The following SCYL3 variants were observed in gnomAD, a reference collection of about 807,000 sequenced individuals.
SCYL3 encodes SCY1 like pseudokinase 3, also known as protein-associating with the carboxyl-terminal domain of ezrin.
A neutral mutation model predicts 73.8 loss-of-function variants in SCYL3; 35 were observed. The observed-to-expected ratio is 0.47, with a 90% confidence interval of 0.36 to 0.63. SCYL3 has a LOEUF of 0.63. Among genes scored for constraint, SCYL3 ranks in the 20% least tolerant of loss-of-function variants. The pLI is 0.00. For synonymous variants in SCYL3, 277 were observed against 295.2 expected, an observed-to-expected ratio of 0.94 and a Z score of 0.63; for missense variants, 712 against 798.9, an observed-to-expected ratio of 0.89 and a Z score of 1.31.
chr1:169,872,629 C>A (rs1185589272), intron 5 of SCYL3, among the ~76,000 whole-genome samples: 1 of 152,194 alleles, frequency 6.6e-6, no homozygotes, highest in Non-Finnish European at 1.5e-5. Context: ...ACATTCAAGA[C>A]CAGCCTGTGA....
chr1:169,853,199 G>A lies in SCYL3; in HGVS notation c.*514C>T. On this transcript the variant is annotated 3_prime_UTR_variant, in exon 13 of 13. Coordinates refer to ENST00000367771, the MANE Select transcript of SCYL3 (RefSeq NM_020423.7). Reference sequence around the variant, plus strand: ...ATGTGGAACAGTCAGGAACTGCCTAGGTCCACAAAGAACCATTTACTCAGA... The same window carrying A: ...ATGTGGAACAGTCAGGAACTGCCTAAGTCCACAAAGAACCATTTACTCAGA... 5.2e-6 allele frequency: 3 copies of A among 574,860 alleles called. No homozygotes were observed. Among genetic ancestry groups the A allele is most frequent in the East Asian group, 2.9e-5 (1 of 34,016 alleles). 35.6% of individuals were successfully genotyped at this position (574,860 alleles called of 1,614,324 possible). A position where few individuals can be genotyped will look rare whatever the true frequency, so the allele number is the denominator to read the frequency against.
Position 169,853,648 on chromosome 1 carries a change from T to C in SCYL3, c.*65A>G, listed in dbSNP as rs1658717959. 2 of 1,561,448 alleles carry C rather than the reference T, an allele frequency of 1.3e-6. No individual in the cohort carries two copies. The highest frequency in any genetic ancestry group is 8.8e-7 in the Non-Finnish European group (1 of 1,138,764). On this transcript the variant is annotated 3_prime_UTR_variant, in exon 13 of 13. Coordinates refer to ENST00000367771, the MANE Select transcript of SCYL3 (RefSeq NM_020423.7). ...GGTTTTCTTGTCCCAAAGCCTGCTT[T>C]TGAGGTATTGATTTTTTTTAAAAAA...
chr1:169,886,729 G>A (rs1661711682), intron 2 of SCYL3, among the ~76,000 whole-genome samples: 1 of 152,260 alleles, frequency 6.6e-6, no homozygotes. Context: ...AAATTATACT[G>A]TTAATTATAG....
chr1:169,881,190 T>A (rs548304591), intron 2 of SCYL3, among the ~76,000 whole-genome samples: 3 of 152,354 alleles, frequency 2.0e-5, no homozygotes, highest in Admixed American at 1.3e-4. Flanking sequence ...ATGGTAGGGA[T>A]AGGAGGCTGA....
Position 169,868,943 on chromosome 1 carries a change from G to A in SCYL3, c.722C>T (p.Ser241Phe). The A allele has an allele frequency of 6.2e-7, 1 of 1,613,634 alleles. No individual in the cohort carries two copies. The highest frequency in any genetic ancestry group is 2.2e-5 in the East Asian group (1 of 44,874). Residue 241 changes from serine (S) to phenylalanine (F), a missense_variant, in exon 7 of 13, where the codon TCT (serine) becomes TTT (phenylalanine). Physicochemically the swap from Ser to Phe is radical, Grantham distance 155 (BLOSUM62 -2). Around this residue, in one of 2 missense-constraint regions of SCYL3, gnomAD observed 342 missense variants for 448.1 expected, o/e 0.76. Transcript: ENST00000367771. ...ATGCCCTCACCTGAAGAAGTCATGA[G>A]ATAGTAAGGTGCAGAGCGCTGGCCG... ...KCRPALCTLL[S>F]HDFFRNDFLE...
intron 2 of SCYL3, among the ~76,000 whole-genome samples, chr1:169,882,340 C>T (rs1321516079): frequency 1.3e-5 from 2 of 152,218 alleles, no homozygotes; most frequent in African/African-American, 4.8e-5. Context: ...CCTTAGCTGC[C>T]TTCCCACGGG....
At chr1:169,892,141 G>C (rs188168477) in intron 1 of SCYL3, among the ~76,000 whole-genome samples, 1 of 152,190 alleles carries the variant, frequency 6.6e-6, no homozygotes, top group Non-Finnish European at 1.5e-5. Flanking sequence ...TTTATTGGGG[G>C]AAAATTAAAA....
Position 169,864,354 on chromosome 1 carries a change from T to C in SCYL3, c.955+15A>G, listed in dbSNP as rs1276950121. Reference sequence around the variant, plus strand: ...AACTTCTTAACTAGCAATAACACTTTGAAAAAGCATTCACCTTTTTTGGGG... The same window carrying C: ...AACTTCTTAACTAGCAATAACACTTCGAAAAAGCATTCACCTTTTTTGGGG... On this transcript the variant is annotated intron_variant, in intron 9 of 12. Transcript: ENST00000367771. 1 of 1,614,130 alleles carries C rather than the reference T, an allele frequency of 6.2e-7. No homozygotes were observed. The highest frequency in any genetic ancestry group is 1.1e-5 in the South Asian group (1 of 91,080).
chr1:169,855,917 G>T (rs1211433386), intron 11 of SCYL3: 2 of 1,613,890 alleles, frequency 1.2e-6, no homozygotes, highest in East Asian at 2.2e-5. Context: ...AGATTGGCGA[G>T]ATCTGACTGT....
chr1:169,855,743 A>G (rs991885265), intron 11 of SCYL3: 1 of 1,533,998 alleles, frequency 6.5e-7, no homozygotes, highest in Non-Finnish European at 8.9e-7. Context: ...TATTAGTCTC[A>G]GGAAAACATT....
chr1:169,868,786 T>C (rs1660205549), intron 7 of SCYL3, 142 bp downstream of exon 7: 1 of 567,568 alleles, frequency 1.8e-6, no homozygotes, highest in Non-Finnish European at 3.2e-6. Context: ...CCTGTGGACA[T>C]GATTCAATCT....
intron 8 of SCYL3, among the ~76,000 whole-genome samples, chr1:169,866,690 G>A (rs1660053110): frequency 6.6e-6 from 1 of 152,130 alleles, no homozygotes; most frequent in African/African-American, 2.4e-5. Flanking sequence ...CCACCTCTCT[G>A]TTTAAGGATT....
chr1:169,883,351 C>T (rs2102203902), intron 2 of SCYL3, among the ~76,000 whole-genome samples: 1 of 152,256 alleles, frequency 6.6e-6, no homozygotes, highest in South Asian at 2.1e-4. Flanking sequence ...GGCCACGAAC[C>T]AGTACCAGTC....
intron 3 of SCYL3, among the ~76,000 whole-genome samples, chr1:169,877,602 A>G (rs1660944166): frequency 6.6e-6 from 1 of 152,250 alleles, no homozygotes; most frequent in Non-Finnish European, 1.5e-5. Flanking sequence ...ATGAAAGAGA[A>G]GAAGTATACA....
At position 169,885,848 on chromosome 1, in the gene SCYL3, G is replaced by A. The variant is rs576619921; in HGVS notation, c.165+2828C>T. The stretch of plus-strand genomic sequence containing the variant: ...TTAACATCCAAGGAAAAAGGAGAGC[G>A]TGAAGTCTGCAAGGTGTGGTGGGGA... On this transcript the variant is annotated intron_variant, in intron 2 of 12. Transcript: ENST00000367771. 1.1e-4 allele frequency among the ~76,000 whole-genome samples: 16 copies of A among 152,284 alleles called. No homozygotes were observed. In the East Asian group the frequency reaches 1.9e-3, roughly 18 times the overall value.
chr1:169,850,753 G>A lies in SCYL3; in HGVS notation c.*2960C>T, dbSNP rs779823804. The A allele has an allele frequency of 4.9e-5, 8 of 164,610 alleles. No homozygotes were observed. The highest frequency in any genetic ancestry group is 1.8e-4 in the Admixed American group (3 of 17,134). The allele number at this position is 164,610 out of a possible 1,614,324, so 10.2% of individuals were successfully genotyped here. On this transcript the variant is annotated 3_prime_UTR_variant, in exon 13 of 13. Coordinates refer to ENST00000367771, the MANE Select transcript of SCYL3 (RefSeq NM_020423.7). ...AGAGATTGCAGTAAGCCAAGATCAT[G>A]CCACTGCACTCCAGCCTGAGCGACA... is the stretch of plus-strand genomic sequence containing the variant.
chr1:169,867,477 A>G (rs1311450877), intron 7 of SCYL3, among the ~76,000 whole-genome samples: 2 of 152,146 alleles, frequency 1.3e-5, no homozygotes, highest in East Asian at 1.9e-4. Context: ...TCGGTTTCCT[A>G]CAGGGCTGCC....
chr1:169,879,607 CAG>C (rs1226562212), intron 2 of SCYL3, among the ~76,000 whole-genome samples: 2 of 152,178 alleles, frequency 1.3e-5, no homozygotes, highest in African/African-American at 4.8e-5. Context: ...AGGATTATAA[CAG>C]AGCAAAGAGT....
intron 5 of SCYL3, 47 bp downstream of exon 5, chr1:169,873,649 C>G: frequency 7.6e-7 from 1 of 1,324,000 alleles, no homozygotes; most frequent in East Asian, 2.3e-5. Flanking sequence ...ATTTCATACT[C>G]AATTACACAA....
Sources: gnomAD v4.1 joint callset for allele counts (sites outside exome capture counted in the v4.1 genomes callset) on GRCh38, gnomAD v4.1.1 for gene constraint, gnomAD v4.1.1 regional missense constraint, MANE v1.5 for transcripts, NCBI Gene and HGNC (gene_info 2026-07-23, HGNC 2026-07-21) for gene names.